Variants in HTR1D observed in about 807,000 individuals in gnomAD.
The protein encoded by HTR1D is 5-HT-1D.
HTR1D carries 18 observed loss-of-function variants against 21.1 expected under a neutral mutation model. The ratio of observed to expected loss-of-function variants is 0.85; its 90% CI spans 0.59 to 1.27. HTR1D has a LOEUF of 1.27. Ranked by LOEUF, HTR1D falls within the 50% of genes most tolerant of loss-of-function variation. The pLI is 0.00. For synonymous variants in HTR1D, 196 were observed against 204.4 expected (o/e 0.96, Z 0.35); for missense variants, 456 against 481.4 (o/e 0.95, Z 0.49).
At chr1:23,211,192 C>T (rs628106) in intron 1 of HTR1D, among the ~76,000 whole-genome samples, 74,400 of 151,570 alleles carry the variant, frequency 0.49, 18,948 homozygotes, top group African/African-American at 0.63. Context: ...GCAAGTTACT[C>T]AACCTCTCTG....
chr1:23,204,226 C>A (rs532237612), intron 1 of HTR1D, among the ~76,000 whole-genome samples: 2 of 151,948 alleles, frequency 1.3e-5, no homozygotes, highest in African/African-American at 4.8e-5. Flanking sequence ...CCCAGGTTCA[C>A]GCCATTCTCC....
At chr1:23,200,987 T>C (rs1431109552) in intron 1 of HTR1D, among the ~76,000 whole-genome samples, 2 of 152,042 alleles carry the variant, frequency 1.3e-5, no homozygotes, top group African/African-American at 4.8e-5. Context: ...ACCATGCCTC[T>C]CCCAGCTCTG....
intron 1 of HTR1D, among the ~76,000 whole-genome samples, chr1:23,199,171 G>A (rs1355858833): frequency 6.6e-6 from 1 of 151,812 alleles, no homozygotes; most frequent in Non-Finnish European, 1.5e-5. Context: ...TGGAGTGCAG[G>A]GGCATGATCA....
Position 23,212,824 on chromosome 1 carries a change from CTCTTT to C in HTR1D, c.-783+4462_-783+4466del, listed in dbSNP as rs1220964140. Reference sequence around the variant, plus strand: ...ACTCACAGCAAGCCCTCCTGAGTGCCTCTTTTTTTTTTTTTTCTTAAGACGGGAGT... The same window carrying C: ...ACTCACAGCAAGCCCTCCTGAGTGCCTTTTTTTTTTTCTTAAGACGGGAGT... On this transcript the variant is annotated intron_variant, in intron 1 of 1. Coordinates refer to ENST00000374619, the MANE Select transcript of HTR1D (RefSeq NM_000864.5). 2.7e-5 allele frequency among the ~76,000 whole-genome samples: 3 copies of C among 111,600 alleles called. 1 individual carries two copies. The East Asian group carries it at 7.4e-4, about 28-fold the overall frequency. The allele number at this position is 111,600 out of a possible 152,430, so 73.2% of individuals were successfully genotyped here.
At chr1:23,196,695 T>C (rs940438979) in intron 1 of HTR1D, among the ~76,000 whole-genome samples, 42 of 152,176 alleles carry the variant, frequency 2.8e-4, no homozygotes, top group African/African-American at 9.9e-4. Context: ...CTAAGAGTCA[T>C]CCAACCTGTA....
At chr1:23,209,461 G>A (rs1207283071) in intron 1 of HTR1D, among the ~76,000 whole-genome samples, 1 of 150,884 alleles carries the variant, frequency 6.6e-6, no homozygotes. Context: ...CTGTCCTCAG[G>A]GAACTGCATT....
chr1:23,215,286 G>T (rs546306059), intron 1 of HTR1D, among the ~76,000 whole-genome samples: 5 of 152,226 alleles, frequency 3.3e-5, no homozygotes, highest in African/African-American at 1.2e-4. Flanking sequence ...GCATGGAGTC[G>T]CATGCCTGTA....
chr1:23,193,361 C>A lies in HTR1D; in HGVS notation c.859G>T (p.Glu287Ter), dbSNP rs1289530934. Residue 287 changes from glutamate to a stop codon, truncating the protein, a stop_gained, in exon 2 of 2, where the codon GAA (glutamate) becomes TAA (stop). Transcript: ENST00000374619. LOFTEE classifies it high-confidence loss of function. ...CGAGCAGCAGAAATCCTCTTGCGTT[C>A]CAGGGCACTGTCAGCAAGCTTGATT... is the stretch of plus-strand genomic sequence containing the variant. ...VKIKLADSAL[E>*]RKRISAARER... is the part of the protein sequence containing the mutation. 2 of 1,614,052 alleles carry A rather than the reference C, an allele frequency of 1.2e-6. No homozygotes were observed. Among genetic ancestry groups the A allele is most frequent in the Admixed American group, 1.7e-5 (1 of 59,996 alleles).
intron 1 of HTR1D, among the ~76,000 whole-genome samples, chr1:23,216,123 A>G (rs1200451649): frequency 3.3e-5 from 5 of 152,198 alleles, no homozygotes; most frequent in East Asian, 1.9e-4. Context: ...AGTGTCCCCA[A>G]ATGTCCTTGT....
intron 1 of HTR1D, among the ~76,000 whole-genome samples, chr1:23,206,532 GTTC>G (rs1287761343): frequency 6.6e-6 from 1 of 152,222 alleles, no homozygotes; most frequent in African/African-American, 2.4e-5. Flanking sequence ...AGACCTGCCT[GTTC>G]TTCTGCCAGT....
chr1:23,213,844 C>T (rs2148244932), intron 1 of HTR1D, among the ~76,000 whole-genome samples: 1 of 152,240 alleles, frequency 6.6e-6, no homozygotes, highest in South Asian at 2.1e-4. Context: ...AGGTGTGAGC[C>T]ACGCTACCCA....
rs202026059 is a variant in HTR1D, at chr1:23,193,556, G to T, written c.664C>A (p.Arg222=). 2 of 1,614,024 alleles carry T rather than the reference G, an allele frequency of 1.2e-6. No homozygotes were observed. The highest frequency in any genetic ancestry group is 1.7e-6 in the Non-Finnish European group (2 of 1,179,916). The change falls in exon 2 of 2, where the codon CGG becomes AGG. Residue 222 remains arginine, a synonymous_variant. Coordinates refer to ENST00000374619, the MANE Select transcript of HTR1D (RefSeq NM_000864.5). ...LLIILYGRIY[R]AARNRILNPP... ...TTCAGGATGCGGTTCCGGGCAGCCCGGTAGATCCGGCCATATAGGATGATG... is the reference window on the plus strand; with the variant it reads ...TTCAGGATGCGGTTCCGGGCAGCCCTGTAGATCCGGCCATATAGGATGATG...
rs532564893 is a variant in HTR1D, at chr1:23,204,541, C to T, written c.-782-9540G>A. Among the ~76,000 whole-genome samples, 6 of 152,320 alleles carry T rather than the reference C, an allele frequency of 3.9e-5. No individual in the cohort carries two copies. The East Asian group carries it at 9.6e-4, about 24-fold the overall frequency. ...GATCACATGGCAGTTTAGTGTCCCT[C>T]TCAGCTCAGCTCAATGCTTCTACTG... On this transcript the variant is annotated intron_variant, in intron 1 of 1. Transcript: ENST00000374619.
At chr1:23,216,261 A>G (rs990977647) in intron 1 of HTR1D, among the ~76,000 whole-genome samples, 1 of 152,226 alleles carries the variant, frequency 6.6e-6, no homozygotes, top group African/African-American at 2.4e-5. Flanking sequence ...TGCTGCTGCT[A>G]CTCAGAGAAA....
Position 23,193,770 on chromosome 1 carries a change from C to T in HTR1D, c.450G>A (p.Arg150=). 1.2e-6 allele frequency: 2 copies of T among 1,614,178 alleles called. No homozygotes were observed. Among genetic ancestry groups the T allele is most frequent in the Non-Finnish European group, 1.7e-6 (2 of 1,180,010 alleles). Reference sequence around the variant, plus strand: ...TCATGGTGGCCGCGTGGCCAGCCGTCCTGCGTTTACTGTATTCCAGGGCAT... The same window carrying T: ...TCATGGTGGCCGCGTGGCCAGCCGTTCTGCGTTTACTGTATTCCAGGGCAT... ...ITDALEYSKR[R]TAGHAATMIA... is the part of the protein sequence containing the mutation. The change falls in exon 2 of 2, where the codon AGG becomes AGA. Residue 150 remains arginine (R), a synonymous_variant. Coordinates refer to ENST00000374619, the MANE Select transcript of HTR1D (RefSeq NM_000864.5).
chr1:23,203,744 T>C (rs60825937), intron 1 of HTR1D, among the ~76,000 whole-genome samples: 22,171 of 152,134 alleles, frequency 0.15, 1,996 homozygotes, highest in South Asian at 0.32. Context: ...TAGCTGTACA[T>C]CCAAGAAAAA....
At chr1:23,212,373 G>C (rs1013114828) in intron 1 of HTR1D, among the ~76,000 whole-genome samples, 1 of 152,174 alleles carries the variant, frequency 6.6e-6, no homozygotes, top group African/African-American at 2.4e-5. Context: ...TGCCCTGTGT[G>C]TGGGTGCCCA....
chr1:23,214,095 G>A (rs1178687268), intron 1 of HTR1D, among the ~76,000 whole-genome samples: 1 of 152,194 alleles, frequency 6.6e-6, no homozygotes, highest in African/African-American at 2.4e-5. Flanking sequence ...TAAGGCTCAA[G>A]TAGGCCCTGG....
At chr1:23,216,943 C>G (rs538499818) in intron 1 of HTR1D, among the ~76,000 whole-genome samples, 9 of 152,216 alleles carry the variant, frequency 5.9e-5, no homozygotes, top group African/African-American at 2.2e-4. Context: ...CCTTGGCGCC[C>G]GGGGCCCCTC....
Sources: allele counts gnomAD v4.1 joint callset (sites outside exome capture counted in the v4.1 genomes callset), GRCh38; gene constraint gnomAD v4.1.1; transcripts MANE v1.5; gene names NCBI Gene and HGNC (gene_info 2026-07-23, HGNC 2026-07-21).